The following PDE7B variants were observed in gnomAD, a reference collection of about 807,000 sequenced individuals.
PDE7B encodes phosphodiesterase 7B, also known as 3',5'-cyclic-AMP phosphodiesterase 7B.
A neutral mutation model predicts 56.2 loss-of-function variants in PDE7B; 29 were observed. That is an observed-to-expected ratio of 0.52 (90% CI 0.38 to 0.70). The LOEUF is 0.70. Among genes scored for constraint, PDE7B ranks in the 30% least tolerant of loss-of-function variants. The pLI, the probability that PDE7B is intolerant of heterozygous loss-of-function variation, is 0.00. For missense variants in PDE7B, 490 were observed against 565.0 expected (o/e 0.87, Z 1.35); for synonymous variants, 197 against 196.9 (o/e 1.00, Z 0.00).
At chr6:135,913,058 T>C (rs1583763823) in intron 1 of PDE7B, among the ~76,000 whole-genome samples, 2 of 152,210 alleles carry the variant, frequency 1.3e-5, no homozygotes, top group East Asian at 3.8e-4. Flanking sequence ...TCTCTTTGCA[T>C]TGATAATAAT....
At position 135,908,733 on chromosome 6, in the gene PDE7B, G is replaced by T. The variant is rs1270641246; in HGVS notation, c.22-38731G>T. Among the ~76,000 whole-genome samples the T allele has an allele frequency of 2.0e-5, 3 of 152,178 alleles. No individual in the cohort carries two copies. In the East Asian group the frequency reaches 5.8e-4, roughly 29 times the overall value. ...AGAAGGAAGCACAAGTATCCAATTTGTTCCCATTTGCAAAAAGTTCAGGCA... is the reference window on the plus strand; with the variant it reads ...AGAAGGAAGCACAAGTATCCAATTTTTTCCCATTTGCAAAAAGTTCAGGCA... On this transcript the variant is annotated intron_variant, in intron 1 of 12. Transcript: ENST00000308191.
intron 1 of PDE7B, among the ~76,000 whole-genome samples, chr6:135,916,346 T>C: frequency 6.6e-6 from 1 of 151,756 alleles, no homozygotes; most frequent in Non-Finnish European, 1.5e-5. Flanking sequence ...GTGAAGTGTA[T>C]CTACTCAAGT....
At chr6:135,949,806 A>G (rs375754003) in intron 2 of PDE7B, among the ~76,000 whole-genome samples, 188 of 152,284 alleles carry the variant, frequency 1.2e-3, no homozygotes, top group African/African-American at 4.2e-3. Context: ...GACACATAGG[A>G]ATAACAAGTA....
chr6:136,074,097 A>T (rs903488101), intron 2 of PDE7B, among the ~76,000 whole-genome samples: 3 of 152,080 alleles, frequency 2.0e-5, no homozygotes, highest in Non-Finnish European at 2.9e-5. Context: ...GGTGGCACAC[A>T]CCTGTAATCC....
chr6:135,908,894 C>T lies in PDE7B; in HGVS notation c.22-38570C>T, dbSNP rs572136862. ...GTAGAAAAGTCTGTTATAGTATGAACGAAATCACAGAGAATTTACCACAAG... is the reference window on the plus strand; with the variant it reads ...GTAGAAAAGTCTGTTATAGTATGAATGAAATCACAGAGAATTTACCACAAG... On this transcript the variant is annotated intron_variant, in intron 1 of 12. Transcript: ENST00000308191. 2.7e-4 allele frequency among the ~76,000 whole-genome samples: 41 copies of T among 152,212 alleles called. 1 individual carries two copies. In the South Asian group the frequency reaches 6.2e-3, roughly 23 times the overall value.
intron 1 of PDE7B, among the ~76,000 whole-genome samples, chr6:135,918,126 G>A: frequency 6.6e-6 from 1 of 152,136 alleles, no homozygotes; most frequent in East Asian, 1.9e-4. Context: ...CTCTCTGGGT[G>A]GCTGGTTCAA....
intron 3 of PDE7B, among the ~76,000 whole-genome samples, chr6:136,112,265 T>G (rs1777762202): frequency 6.6e-6 from 1 of 152,212 alleles, no homozygotes; most frequent in Admixed American, 6.5e-5. Context: ...GAACAAAGTT[T>G]CTAGGCGTTA....
intron 2 of PDE7B, among the ~76,000 whole-genome samples, chr6:136,105,144 G>A (rs1562494134): frequency 6.6e-6 from 1 of 152,140 alleles, no homozygotes; most frequent in East Asian, 1.9e-4. Context: ...ACAGGATTTG[G>A]TTGTCTTGCT....
At chr6:135,943,306 A>G (rs1774538622) in intron 1 of PDE7B, among the ~76,000 whole-genome samples, 1 of 152,202 alleles carries the variant, frequency 6.6e-6, no homozygotes, top group African/African-American at 2.4e-5. Flanking sequence ...GCAAAACTAA[A>G]TGCCCATGAT....
At chr6:136,014,527 C>A (rs1010477030) in intron 2 of PDE7B, among the ~76,000 whole-genome samples, 4 of 152,114 alleles carry the variant, frequency 2.6e-5, no homozygotes, top group Non-Finnish European at 2.9e-5. Flanking sequence ...AAATAGCTTG[C>A]AAGCTGTAAG....
At chr6:136,048,981 G>A (rs1275102596) in intron 2 of PDE7B, 1 of 152,190 alleles carries the variant, frequency 6.6e-6, no homozygotes, top group African/African-American at 2.4e-5. Context: ...TAGACATGCT[G>A]TTCCAGTCAT....
intron 2 of PDE7B, among the ~76,000 whole-genome samples, chr6:135,952,141 T>G (rs1042793075): frequency 6.6e-6 from 1 of 152,118 alleles, no homozygotes; most frequent in Non-Finnish European, 1.5e-5. Context: ...AGATGTTCTA[T>G]GAGGAGAAGC....
At chr6:135,929,249 AT>A (rs886227849) in intron 1 of PDE7B, among the ~76,000 whole-genome samples, 26 of 149,584 alleles carry the variant, frequency 1.7e-4, no homozygotes, top group South Asian at 2.1e-4. Flanking sequence ...GTTACATCAT[AT>A]TTTTTTTTTA....
intron 2 of PDE7B, among the ~76,000 whole-genome samples, chr6:135,973,751 G>T (rs1466951617): frequency 6.6e-6 from 1 of 152,158 alleles, no homozygotes; most frequent in Non-Finnish European, 1.5e-5. Flanking sequence ...AAATTTATTT[G>T]TTGGCCATTT....
chr6:135,894,054 C>A (rs923032505), intron 1 of PDE7B, among the ~76,000 whole-genome samples: 11 of 152,052 alleles, frequency 7.2e-5, no homozygotes, highest in Non-Finnish European at 1.6e-4. Flanking sequence ...ATAGGTGATG[C>A]CAGTTAAGGA....
At chr6:136,149,006 T>C (rs1778466880) in intron 4 of PDE7B, 81 bp from the exon 5 acceptor site, 1 of 985,812 alleles carries the variant, frequency 1.0e-6, no homozygotes, top group African/African-American at 1.6e-5. Context: ...TTTTTAATTG[T>C]TTAATCCACT....
At chr6:135,882,397 T>G (rs1026257555) in intron 1 of PDE7B, among the ~76,000 whole-genome samples, 4 of 152,218 alleles carry the variant, frequency 2.6e-5, no homozygotes, top group African/African-American at 9.6e-5. Context: ...TTTTTCCTGC[T>G]TCCTGGCTCT....
rs550220612 is a variant in PDE7B at position 135,890,543 on chromosome 6, G to A, written c.21+38524G>A. 3.3e-5 allele frequency among the ~76,000 whole-genome samples: 5 copies of A among 152,290 alleles called. No homozygotes were observed. In the Middle Eastern group the frequency reaches 0.017, roughly 518 times the overall value. ...CTTGACTGTGATGGTAACCCAGCAC[G>A]CAGTGGGTATGACTGGCATTTTTGA... On this transcript the variant is annotated intron_variant, in intron 1 of 12. Coordinates refer to ENST00000308191, the MANE Select transcript of PDE7B (RefSeq NM_018945.4).
At chr6:136,012,176 C>A (rs1775906900) in intron 2 of PDE7B, among the ~76,000 whole-genome samples, 1 of 152,246 alleles carries the variant, frequency 6.6e-6, no homozygotes, top group South Asian at 2.1e-4. Flanking sequence ...TGCCTACAAG[C>A]TCCCTTCCCA....
Sources: allele counts gnomAD v4.1 joint callset (sites outside exome capture counted in the v4.1 genomes callset), GRCh38; gene constraint gnomAD v4.1.1; transcripts MANE v1.5; gene names NCBI Gene and HGNC (gene_info 2026-07-23, HGNC 2026-07-21).